Variants in IDI1 observed in about 807,000 individuals in gnomAD.
IDI1 encodes isopentenyl-diphosphate Delta-isomerase 1.
IDI1 carries 23 observed loss-of-function variants against 32.9 expected under a neutral mutation model. The observed-to-expected ratio is 0.70, with a 90% CI of 0.50 to 0.99. The LOEUF is 0.99. Among genes scored for constraint, IDI1 ranks in the 50% least tolerant of loss-of-function variants. The pLI is 0.00. For synonymous variants in IDI1, 133 were observed against 128.2 expected (o/e 1.04, Z -0.25); for missense variants, 326 against 351.9 (o/e 0.93, Z 0.59).
chr10:1,045,120 C>A (rs1262629523), intron 1 of IDI1, among the ~76,000 whole-genome samples: 1 of 152,254 alleles, frequency 6.6e-6, no homozygotes, highest in South Asian at 2.1e-4. Context: ...GGCCTATAGG[C>A]CATAGTTGGC....
intron 4 of IDI1, among the ~76,000 whole-genome samples, chr10:1,042,240 A>C (rs1324170413): frequency 6.6e-6 from 1 of 152,210 alleles, no homozygotes; most frequent in Non-Finnish European, 1.5e-5. Flanking sequence ...AATGAGATTT[A>C]TGGTTCATAT....
chr10:1,048,335 A>G, intron 1 of IDI1: 1 of 1,304,706 alleles, frequency 7.7e-7, no homozygotes, highest in South Asian at 1.2e-5. Context: ...GATGCTCCCC[A>G]TCTCTTCTCC....
chr10:1,047,922 G>A (rs527878452), intron 1 of IDI1, among the ~76,000 whole-genome samples: 16 of 152,314 alleles, frequency 1.1e-4, no homozygotes, highest in African/African-American at 3.8e-4. Context: ...TTAAATCCAT[G>A]GATATGGACC....
Position 1,041,051 on chromosome 10 carries a change from A to G in IDI1, c.*136T>C. 1.6e-6 allele frequency: 1 copy of G among 615,886 alleles called. No homozygotes were observed. 38.2% of individuals were successfully genotyped at this position (615,886 alleles called of 1,614,324 possible). ...CACAAGTTTTAAAGTATCAGTGTAT[A>G]TAATACATTAATGATAGTACCAAAT... On this transcript the variant is annotated 3_prime_UTR_variant, in exon 5 of 5. Transcript: ENST00000381344.
In IDI1 at chr10:1,042,643, G is replaced by A. The variant is rs749745448; in HGVS notation, c.526C>T (p.Pro176Ser). The A allele has an allele frequency of 1.9e-6, 3 of 1,613,894 alleles. No individual in the cohort carries two copies. The highest frequency in any genetic ancestry group is 2.5e-6 in the Non-Finnish European group (3 of 1,179,916). ...QRRLKAELGI[P>S]LEEVPPEEIN... ...GGAGAGCTGGTTACCTCTTCCAAGGGAATTCCTAGCTCAGCTTTCAGCCGT... is the reference window on the plus strand; with the variant it reads ...GGAGAGCTGGTTACCTCTTCCAAGGAAATTCCTAGCTCAGCTTTCAGCCGT... Residue 176 changes from proline (P) to serine (S), a missense_variant, in exon 4 of 5, where the codon CCC becomes TCC. Pro to Ser is a moderately conservative substitution (Grantham distance 74, BLOSUM62 -1). This residue lies in a region of IDI1 where 205 missense variants were observed against 273.5 expected (regional missense o/e 0.75). Transcript: ENST00000381344.
intron 1 of IDI1, among the ~76,000 whole-genome samples, chr10:1,048,069 T>A (rs763707959): frequency 1.3e-5 from 2 of 152,126 alleles, no homozygotes; most frequent in Non-Finnish European, 2.9e-5. Flanking sequence ...TCGCCCAAGC[T>A]GGAGTGCAGT....
intron 3 of IDI1, among the ~76,000 whole-genome samples, chr10:1,043,091 A>G (rs1015389343): frequency 1.2e-4 from 19 of 152,368 alleles, no homozygotes; most frequent in Non-Finnish European, 2.2e-4. Context: ...ATAAATATGT[A>G]AATTATACAT....
rs745842795 is a variant in IDI1, at chr10:1,042,775, A to G, written c.407-13T>C. ...TTCGTAAAACAACCTGGAAAATGGT[A>G]ATACAGAGACAGATCAACTTTTCTT... On this transcript the variant is annotated splice_polypyrimidine_tract_variant and intron_variant, in intron 3 of 4. Transcript: ENST00000381344. 3.7e-6 allele frequency: 6 copies of G among 1,612,604 alleles called. No individual in the cohort carries two copies. In the South Asian group the frequency reaches 6.6e-5, roughly 18 times the overall value.
In IDI1 at chr10:1,048,847, C is replaced by G. The variant is rs1318889584; in HGVS notation, c.140+17G>C. 1 of 1,603,550 alleles carries G rather than the reference C, an allele frequency of 6.2e-7. No individual in the cohort carries two copies. The highest frequency in any genetic ancestry group is 1.7e-5 in the Admixed American group (1 of 59,690). ...CCCTGCCCCTGTCTCCCGAACTCCG[C>G]CGCCCGTCCACAGTACCTGATCAGC... On this transcript the variant is annotated intron_variant, in intron 1 of 4. Coordinates refer to ENST00000381344, the MANE Select transcript of IDI1 (RefSeq NM_004508.4).
the IDI1 span, among the ~76,000 whole-genome samples, chr10:1,055,377 A>C: frequency 6.6e-6 from 1 of 152,308 alleles, no homozygotes; most frequent in Non-Finnish European, 1.5e-5. Flanking sequence ...CTTTTATGGA[A>C]TCCTAAATAT....
chr10:1,041,892 G>A (rs921288405), intron 4 of IDI1, among the ~76,000 whole-genome samples: 1 of 149,678 alleles, frequency 6.7e-6, no homozygotes, highest in South Asian at 2.1e-4. Context: ...TGCAACCTCC[G>A]CCTCCCAGGT....
chr10:1,049,091 C>G lies in IDI1; in HGVS notation c.-88G>C. On this transcript the variant is annotated 5_prime_UTR_variant, in exon 1 of 5. Coordinates refer to ENST00000381344, the MANE Select transcript of IDI1 (RefSeq NM_004508.4). ...GTGCCACCTCCCTGGCCTGTGACAACGGCAGACGCGCGAAGCACCGGGAAC... is the reference window on the plus strand; with the variant it reads ...GTGCCACCTCCCTGGCCTGTGACAAGGGCAGACGCGCGAAGCACCGGGAAC... 1 of 1,408,160 alleles carries G rather than the reference C, an allele frequency of 7.1e-7. No individual in the cohort carries two copies. The highest frequency in any genetic ancestry group is 1.5e-5 in the South Asian group (1 of 65,868). 87.2% of individuals were successfully genotyped at this position (1,408,160 alleles called of 1,614,324 possible). A position where few individuals can be genotyped will look rare whatever the true frequency, so the allele number is the denominator to read the frequency against.
At position 1,039,444 on chromosome 10, in the gene IDI1, A is replaced by G. The variant is rs771688255; in HGVS notation, c.*1743T>C. The stretch of plus-strand genomic sequence containing the variant: ...TTTGACCAGAATCAAAGAAGTATAT[A>G]TTTTGAAGATTAAGAGTTTAAAACA... On this transcript the variant is annotated 3_prime_UTR_variant, in exon 5 of 5. Coordinates refer to ENST00000381344, the MANE Select transcript of IDI1 (RefSeq NM_004508.4). 6.6e-6 allele frequency: 1 copy of G among 152,226 alleles called. No homozygotes were observed. 9.4% of individuals were successfully genotyped at this position (152,226 alleles called of 1,614,324 possible). A position where few individuals can be genotyped will look rare whatever the true frequency, so the allele number is the denominator to read the frequency against.
rs1832893345 is a variant in IDI1, at chr10:1,048,901, GA to G, written c.102del (p.Pro35ArgfsTer11). ...CGGCCACAGACAACCGCCGGTCCCGGATGGCGCCCGCTTTGAGCACAGTCTG... is the reference window on the plus strand; with the variant it reads ...CGGCCACAGACAACCGCCGGTCCCGGTGGCGCCCGCTTTGAGCACAGTCTG... Reference protein sequence around the residue: ...RAADCAQSGRHPGPAVVCGRR... With the variant: ...RAADCAQSGRXPGPAVVCGRR... On this transcript the variant is annotated frameshift_variant, in exon 1 of 5. Transcript: ENST00000381344. LOFTEE classifies it high-confidence loss of function. The G allele has an allele frequency of 1.2e-6, 2 of 1,606,668 alleles. No homozygotes were observed. The highest frequency in any genetic ancestry group is 1.7e-4 in the Middle Eastern group (1 of 5,782).
At chr10:1,053,537 C>A (rs573151754), upstream of IDI1, among the ~76,000 whole-genome samples, 306 of 152,284 alleles carry the variant, frequency 2.0e-3, 2 homozygotes, top group South Asian at 0.017. Flanking sequence ...TATTTTCTTA[C>A]CATTTGTGTA....
At position 1,044,066 on chromosome 10, in the gene IDI1, AT is replaced by A; in HGVS notation, c.245del (p.Asp82ValfsTer17). 2 of 1,613,358 alleles carry A rather than the reference AT, an allele frequency of 1.2e-6. No individual in the cohort carries two copies. The highest frequency in any genetic ancestry group is 1.7e-6 in the Non-Finnish European group (2 of 1,179,444). On this transcript the variant is annotated frameshift_variant, in exon 2 of 5. Coordinates refer to ENST00000381344, the MANE Select transcript of IDI1 (RefSeq NM_004508.4). LOFTEE classifies it high-confidence loss of function. ...CAGCTCCAATTTTATTGTCATTTTC[AT>A]CAATAAGGATACACATCTCTGCCAG... ...QLLAEMCILI[D>X]ENDNKIGAET...
chr10:1,049,110 C>T lies in IDI1; in HGVS notation c.-107G>A. ...TGACAACGGCAGACGCGCGAAGCAC[C>T]GGGAACCTGAGCCGTGACCGCGGGC... is the stretch of plus-strand genomic sequence containing the variant. On this transcript the variant is annotated 5_prime_UTR_variant, in exon 1 of 5. Transcript: ENST00000381344. The T allele has an allele frequency of 1.4e-6, 2 of 1,402,614 alleles. No individual in the cohort carries two copies. The highest frequency in any genetic ancestry group is 1.8e-6 in the Non-Finnish European group (2 of 1,085,562). 86.9% of individuals were successfully genotyped at this position (1,402,614 alleles called of 1,614,324 possible).
chr10:1,054,952 C>T, the IDI1 span, among the ~76,000 whole-genome samples: 1 of 152,216 alleles, frequency 6.6e-6, no homozygotes, highest in African/African-American at 2.4e-5. Flanking sequence ...CATGCTGCCA[C>T]AAGCCAAGGA....
At chr10:1,048,452 G>A (rs1053394491) in intron 1 of IDI1, 5 of 1,270,436 alleles carry the variant, frequency 3.9e-6, no homozygotes, top group Admixed American at 2.7e-5. Flanking sequence ...CGGGGAGGCC[G>A]GTGTCGTCAC....
Sources: allele counts gnomAD v4.1 joint callset (sites outside exome capture counted in the v4.1 genomes callset), GRCh38; gene constraint gnomAD v4.1.1; regional missense constraint gnomAD v4.1.1; transcripts MANE v1.5; gene names NCBI Gene and HGNC (gene_info 2026-07-23, HGNC 2026-07-21).